The following P4HA1 variants were observed in gnomAD, a reference collection of about 807,000 sequenced individuals.
P4HA1 encodes the protein prolyl 4-hydroxylase subunit alpha 1, also known as prolyl 4-hydroxylase subunit alpha-1.
A neutral mutation model predicts 72.8 loss-of-function variants in P4HA1; 24 were observed. That is an observed-to-expected ratio of 0.33 (90% CI 0.24 to 0.46). The LOEUF is 0.46. Among genes scored for constraint, P4HA1 ranks in the 20% least tolerant of loss-of-function variants. The pLI is 1.00. For missense variants in P4HA1, 446 were observed against 640.6 expected, an observed-to-expected ratio of 0.70 and a Z score of 3.28; for synonymous variants, 201 against 218.8, an observed-to-expected ratio of 0.92 and a Z score of 0.72.
At chr10:73,043,963 A>G (rs1405197679) in intron 9 of P4HA1, 1 of 1,609,528 alleles carries the variant, frequency 6.2e-7, no homozygotes, top group South Asian at 1.1e-5. Context: ...CTCAGCTACA[A>G]AAAAAGAGAA....
At chr10:73,011,809 G>GT (rs1479281933) in intron 12 of P4HA1, among the ~76,000 whole-genome samples, 1 of 152,100 alleles carries the variant, frequency 6.6e-6, no homozygotes, top group Non-Finnish European at 1.5e-5. Flanking sequence ...ACACAAAAAT[G>GT]TAAGATTTTG....
At chr10:73,043,382 T>A (rs1355183746) in intron 9 of P4HA1, among the ~76,000 whole-genome samples, 1 of 152,244 alleles carries the variant, frequency 6.6e-6, no homozygotes, top group East Asian at 1.9e-4. Context: ...TTCTGTGAGC[T>A]CTAAGTTACA....
At chr10:73,043,998 A>C in intron 9 of P4HA1, 1 of 1,505,116 alleles carries the variant, frequency 6.6e-7, no homozygotes, top group Non-Finnish European at 9.2e-7. Flanking sequence ...CTCCAGTAGC[A>C]GGCAATTTTG....
chr10:73,044,971 C>G lies in P4HA1; in HGVS notation c.1148+10G>C, dbSNP rs757246750. ...TAGAGGGCAAAATATGCAGCATACA[C>G]ATCTCTTACCTTTTGCTAATTCTGT... On this transcript the variant is annotated intron_variant, in intron 9 of 14. Coordinates refer to ENST00000394890, the MANE Select transcript of P4HA1 (RefSeq NM_001017962.3). The G allele has an allele frequency of 6.2e-7, 1 of 1,605,946 alleles. No homozygotes were observed.
intron 9 of P4HA1, among the ~76,000 whole-genome samples, chr10:73,036,472 C>T (rs897453334): frequency 6.6e-6 from 1 of 152,070 alleles, no homozygotes; most frequent in Non-Finnish European, 1.5e-5. Context: ...TCTCGACTCA[C>T]TGCAACTTCT....
intron 5 of P4HA1, among the ~76,000 whole-genome samples, chr10:73,067,674 C>G (rs570902786): frequency 6.6e-6 from 1 of 152,202 alleles, no homozygotes; most frequent in African/African-American, 2.4e-5. Context: ...CCCACACCCA[C>G]TCCTGTCTCC....
chr10:73,058,774 C>CTTTTTTTTT (rs151028824), intron 5 of P4HA1, among the ~76,000 whole-genome samples: 3 of 123,828 alleles, frequency 2.4e-5, no homozygotes, highest in African/African-American at 6.4e-5. Context: ...TTATAGTATG[C>CTTTTTTTTT]TTTTTTTTTT....
intron 5 of P4HA1, among the ~76,000 whole-genome samples, chr10:73,055,971 T>A (rs1841138228): frequency 6.6e-6 from 1 of 152,218 alleles, no homozygotes; most frequent in African/African-American, 2.4e-5. Flanking sequence ...AAGTTTGTGC[T>A]CCTGATGTTA....
intron 1 of P4HA1, among the ~76,000 whole-genome samples, chr10:73,093,705 T>C (rs1842084210): frequency 6.7e-6 from 1 of 149,558 alleles, no homozygotes; most frequent in Non-Finnish European, 1.5e-5. Flanking sequence ...TAGCTGGGCG[T>C]GATGGTGGGC....
chr10:73,038,053 C>T (rs1486999528), intron 9 of P4HA1, among the ~76,000 whole-genome samples: 1 of 151,968 alleles, frequency 6.6e-6, no homozygotes, highest in Non-Finnish European at 1.5e-5. Flanking sequence ...CCCAGGAGTT[C>T]AAGACCAGCC....
In P4HA1 at chr10:73,009,229, CTAAT is replaced by C. The variant is rs552429050; in HGVS notation, c.1534+574_1534+577del. Among the ~76,000 whole-genome samples the C allele has an allele frequency of 4.8e-3, 735 of 152,248 alleles. 14 individuals carry two copies. The highest frequency in any genetic ancestry group is 6.1e-3 in the Non-Finnish European group (416 of 68,026). On this transcript the variant is annotated intron_variant, in intron 14 of 14. Transcript: ENST00000394890. The stretch of plus-strand genomic sequence containing the variant: ...CACAGATTGAAATGGATACATGGGG[CTAAT>C]TAATAGATATTAAAACTAATTTTAC...
chr10:73,085,664 T>C (rs755947829), intron 1 of P4HA1, among the ~76,000 whole-genome samples: 15 of 152,040 alleles, frequency 9.9e-5, no homozygotes, highest in Non-Finnish European at 1.5e-4. Flanking sequence ...ATTACAGGAG[T>C]GACCCACCGC....
At chr10:73,034,912 T>C (rs1447920164) in intron 9 of P4HA1, among the ~76,000 whole-genome samples, 1 of 152,168 alleles carries the variant, frequency 6.6e-6, no homozygotes, top group South Asian at 2.1e-4. Context: ...ATCCATGTTA[T>C]AAGCAGGGTA....
chr10:73,048,987 A>G (rs1840943561), intron 7 of P4HA1, among the ~76,000 whole-genome samples: 2 of 152,176 alleles, frequency 1.3e-5, no homozygotes, highest in African/African-American at 4.8e-5. Context: ...ACAAAAAATT[A>G]GCTGGGCGTG....
chr10:73,008,824 C>CT (rs1214475149), intron 14 of P4HA1, among the ~76,000 whole-genome samples: 1 of 143,422 alleles, frequency 7.0e-6, no homozygotes, highest in Non-Finnish European at 1.5e-5. Flanking sequence ...AGTTAATTTT[C>CT]TATTTTTTTT....
At chr10:73,034,654 C>T (rs957362073) in intron 9 of P4HA1, among the ~76,000 whole-genome samples, 25 of 146,302 alleles carry the variant, frequency 1.7e-4, no homozygotes, top group African/African-American at 5.3e-4. Flanking sequence ...GTGATGCAAT[C>T]TTGGCTCACT....
At chr10:73,021,317 T>A (rs1252253915) in intron 10 of P4HA1, among the ~76,000 whole-genome samples, 1 of 152,132 alleles carries the variant, frequency 6.6e-6, no homozygotes, top group Non-Finnish European at 1.5e-5. Flanking sequence ...CAGTGCCAAG[T>A]ATATATCCAA....
chr10:73,025,832 C>T (rs1227703703), intron 10 of P4HA1, among the ~76,000 whole-genome samples: 3 of 152,022 alleles, frequency 2.0e-5, no homozygotes, highest in Non-Finnish European at 4.4e-5. Context: ...GACAGAGAGC[C>T]AAATCATGAG....
intron 12 of P4HA1, among the ~76,000 whole-genome samples, chr10:73,012,857 G>A (rs369831223): frequency 2.6e-5 from 4 of 152,078 alleles, no homozygotes; most frequent in African/African-American, 4.8e-5. Flanking sequence ...GTGCAGTGGC[G>A]CGATCTCGGC....
Sources: allele counts gnomAD v4.1 joint callset (sites outside exome capture counted in the v4.1 genomes callset), GRCh38; gene constraint gnomAD v4.1.1; transcripts MANE v1.5; gene names NCBI Gene and HGNC (gene_info 2026-07-23, HGNC 2026-07-21).